Variants in RIGI observed in about 807,000 individuals in gnomAD.
The protein encoded by RIGI is RNA sensor RIG-I.
the RIGI span, among the ~76,000 whole-genome samples, chr9:32,510,554 C>T: frequency 5.3e-5 from 8 of 152,096 alleles, no homozygotes; most frequent in Non-Finnish European, 8.8e-5. Context: ...ATTTTGTCAC[C>T]ACCAGGCCTG....
At chr9:32,487,958 C>T in the RIGI span, 2 of 1,613,840 alleles carry the variant, frequency 1.2e-6, no homozygotes, top group Non-Finnish European at 1.7e-6. Context: ...GGGCAGTGGG[C>T]CTGAAGATCC....
At chr9:32,489,238 T>C in the RIGI span, 1 of 695,770 alleles carries the variant, frequency 1.4e-6, no homozygotes. Flanking sequence ...AAAAGACACA[T>C]GGAACAAGGA....
At chr9:32,497,701 T>C in the RIGI span, among the ~76,000 whole-genome samples, 1 of 152,278 alleles carries the variant, frequency 6.6e-6, no homozygotes, top group East Asian at 1.9e-4. Context: ...GAGCCGAGAT[T>C]GCGCCACTGC....
chr9:32,462,343 A>T, the RIGI span, among the ~76,000 whole-genome samples: 1 of 150,324 alleles, frequency 6.7e-6, no homozygotes, highest in East Asian at 2.0e-4. Context: ...TAGATAATAT[A>T]TTGATTACCA....
At chr9:32,457,060 T>C in the RIGI span, 9 of 1,294,092 alleles carry the variant, frequency 7.0e-6, no homozygotes, top group Non-Finnish European at 8.8e-6. Flanking sequence ...ATACCCACTA[T>C]GTTTGTTTCT....
At chr9:32,480,126 A>G in the RIGI span, 4 of 1,412,478 alleles carry the variant, frequency 2.8e-6, no homozygotes, top group Admixed American at 5.9e-5. Flanking sequence ...AGCATCCCCA[A>G]GTTTATATAT....
the RIGI span, among the ~76,000 whole-genome samples, chr9:32,494,502 A>T: frequency 6.6e-5 from 10 of 152,212 alleles, no homozygotes; most frequent in Non-Finnish European, 1.5e-5. Flanking sequence ...AGAAACATAC[A>T]TAAGATGTTC....
At chr9:32,459,048 C>T in the RIGI span, among the ~76,000 whole-genome samples, 1 of 152,054 alleles carries the variant, frequency 6.6e-6, no homozygotes, top group Admixed American at 6.6e-5. Context: ...GCCACTACGC[C>T]CAGCTAACTT....
the RIGI span, chr9:32,498,488 A>G: frequency 5.6e-6 from 2 of 360,242 alleles, no homozygotes; most frequent in Non-Finnish European, 1.1e-5. Flanking sequence ...GCAGACTGCA[A>G]CCCTTTATGA....
chr9:32,499,184 C>T, the RIGI span, among the ~76,000 whole-genome samples: 1 of 151,514 alleles, frequency 6.6e-6, no homozygotes, highest in South Asian at 2.1e-4. Context: ...AAATGTTTGT[C>T]CAAATTTTTT....
chr9:32,492,447 T>G, the RIGI span: 1 of 1,614,140 alleles, frequency 6.2e-7, no homozygotes, highest in Non-Finnish European at 8.5e-7. Context: ...CAAAGCAAGT[T>G]TCAAAGTTTT....
the RIGI span, among the ~76,000 whole-genome samples, chr9:32,480,812 C>A: frequency 1.1e-4 from 17 of 152,182 alleles, no homozygotes; most frequent in African/African-American, 3.9e-4. Context: ...AACTAAAATT[C>A]TACAAATGCA....
chr9:32,474,125 T>G, the RIGI span, among the ~76,000 whole-genome samples: 1 of 136,354 alleles, frequency 7.3e-6, no homozygotes, highest in East Asian at 2.3e-4. Flanking sequence ...TCACCTGAGC[T>G]AGGGAAGTTG....
chr9:32,505,562 A>AT, the RIGI span, among the ~76,000 whole-genome samples: 5 of 151,970 alleles, frequency 3.3e-5, no homozygotes, highest in African/African-American at 1.2e-4. Context: ...TCATTTCAGC[A>AT]TTTTTTTTGT....
the RIGI span, chr9:32,459,663 A>G: frequency 1.3e-6 from 1 of 770,800 alleles, no homozygotes. Flanking sequence ...TGACTTTGTA[A>G]AATCACAGAT....
chr9:32,499,612 C>T, the RIGI span, among the ~76,000 whole-genome samples: 4 of 152,118 alleles, frequency 2.6e-5, no homozygotes, highest in South Asian at 2.1e-4. Flanking sequence ...CCCACCACCA[C>T]GCCTGGCTAA....
the RIGI span, among the ~76,000 whole-genome samples, chr9:32,492,924 G>A: frequency 6.7e-6 from 1 of 148,636 alleles, no homozygotes; most frequent in Non-Finnish European, 1.5e-5. Flanking sequence ...TGAGGAATTT[G>A]TATGACTTTT....
the RIGI span, among the ~76,000 whole-genome samples, chr9:32,499,777 A>G: frequency 3.3e-5 from 5 of 151,854 alleles, no homozygotes; most frequent in African/African-American, 2.4e-5. Flanking sequence ...TTTTAAATAC[A>G]GGGGTCTCCC....
the RIGI span, chr9:32,492,274 C>T: frequency 1.7e-4 from 184 of 1,113,744 alleles, no homozygotes; most frequent in Non-Finnish European, 2.2e-4. Context: ...CTGCTGGTCT[C>T]GCGTTAGAGA....
Sources: allele counts gnomAD v4.1 joint callset (sites outside exome capture counted in the v4.1 genomes callset), GRCh38; gene constraint gnomAD v4.1.1; transcripts MANE v1.5; gene names NCBI Gene and HGNC (gene_info 2026-07-23, HGNC 2026-07-21).